Variants in ATP10B observed in about 807,000 individuals in gnomAD.
ATP10B encodes ATPase phospholipid transporting 10B (putative).
In ATP10B, 122 loss-of-function variants were observed where a neutral mutation model predicts 141.2. That is an observed-to-expected ratio of 0.86 (90% CI 0.75 to 1.00). The LOEUF (loss-of-function observed/expected upper bound fraction) is 1.00. Ranked by LOEUF, ATP10B falls within the 50% of genes least tolerant of loss-of-function variation. ATP10B has a pLI of 0.00. For synonymous variants in ATP10B, 685 were observed against 692.0 expected (o/e 0.99, Z 0.16); for missense variants, 1,876 against 1,825.3 (o/e 1.03, Z -0.51).
chr5:160,602,549 G>T, intron 21 of ATP10B, 28 bp downstream of exon 21: 1 of 1,612,864 alleles, frequency 6.2e-7, no homozygotes, highest in African/African-American at 1.3e-5. Context: ...CCAAAGCCCT[G>T]GGTGAGAGGA....
chr5:160,640,105 G>C (rs1285232893), intron 10 of ATP10B, among the ~76,000 whole-genome samples: 1 of 152,236 alleles, frequency 6.6e-6, no homozygotes, highest in Non-Finnish European at 1.5e-5. Flanking sequence ...CTGATCTCCA[G>C]AGCTGTAACA....
chr5:160,794,718 T>G (rs911653157), intron 1 of ATP10B, among the ~76,000 whole-genome samples: 1 of 152,232 alleles, frequency 6.6e-6, no homozygotes, highest in African/African-American at 2.4e-5. Context: ...TTGTTTGGAA[T>G]GAAATGCCTT....
intron 24 of ATP10B, among the ~76,000 whole-genome samples, chr5:160,571,661 G>T (rs1463340495): frequency 6.6e-6 from 1 of 152,156 alleles, no homozygotes; most frequent in Admixed American, 6.6e-5. Flanking sequence ...CTCTAGAAAA[G>T]AATTGTGTAC....
chr5:160,789,253 CA>C (rs1359021053), intron 1 of ATP10B, among the ~76,000 whole-genome samples: 1 of 152,102 alleles, frequency 6.6e-6, no homozygotes, highest in East Asian at 1.9e-4. Flanking sequence ...TAAGTGCTAA[CA>C]AATTTGAGTA....
chr5:160,640,242 T>C (rs1042095952), intron 10 of ATP10B, among the ~76,000 whole-genome samples: 1 of 152,246 alleles, frequency 6.6e-6, no homozygotes, highest in African/African-American at 2.4e-5. Flanking sequence ...AGTAAATATT[T>C]CTTGACCAAA....
intron 7 of ATP10B, among the ~76,000 whole-genome samples, chr5:160,651,313 T>C (rs557980160): frequency 3.3e-5 from 5 of 152,300 alleles, no homozygotes; most frequent in African/African-American, 1.2e-4. Flanking sequence ...GCTAAGTATT[T>C]TTTTTAAAGG....
chr5:160,863,500 C>CA, the ATP10B span, among the ~76,000 whole-genome samples: 1 of 151,732 alleles, frequency 6.6e-6, no homozygotes, highest in Non-Finnish European at 1.5e-5. Flanking sequence ...ATGCCCACAC[C>CA]AAAAAGTGTG....
intron 1 of ATP10B, among the ~76,000 whole-genome samples, chr5:160,834,064 C>T (rs1347503242): frequency 6.6e-6 from 1 of 152,036 alleles, no homozygotes; most frequent in Admixed American, 6.6e-5. Flanking sequence ...GTGGCTCATG[C>T]CTATAATTCC....
At chr5:160,619,206 A>T (rs1421966) in intron 15 of ATP10B, among the ~76,000 whole-genome samples, 126,856 of 152,174 alleles carry the variant, frequency 0.83, 53,197 homozygotes, top group African/African-American at 0.92. Flanking sequence ...CCTTCTTGCT[A>T]AGGCTGCCAG....
intron 1 of ATP10B, among the ~76,000 whole-genome samples, chr5:160,847,525 C>A (rs1776203163): frequency 6.6e-6 from 1 of 152,140 alleles, no homozygotes; most frequent in Admixed American, 6.6e-5. Flanking sequence ...CCATGTGGCA[C>A]CTGCTAACAA....
the ATP10B span, among the ~76,000 whole-genome samples, chr5:160,883,107 G>A: frequency 6.6e-6 from 1 of 152,092 alleles, no homozygotes; most frequent in Non-Finnish European, 1.5e-5. Context: ...TGATAAAGTA[G>A]GTAAATAGTT....
intron 2 of ATP10B, among the ~76,000 whole-genome samples, chr5:160,754,281 C>T (rs909744828): frequency 3.3e-5 from 5 of 152,088 alleles, no homozygotes; most frequent in Non-Finnish European, 1.5e-5. Context: ...ACTCTCAAAC[C>T]CATGCTTAAC....
At chr5:160,726,681 G>C (rs1435907250) in intron 2 of ATP10B, among the ~76,000 whole-genome samples, 1 of 146,504 alleles carries the variant, frequency 6.8e-6, no homozygotes, top group Non-Finnish European at 1.5e-5. Flanking sequence ...GAGTAGGGGG[G>C]GAGGAGGAGG....
At chr5:160,746,077 C>T (rs1443596392) in intron 2 of ATP10B, among the ~76,000 whole-genome samples, 1 of 152,180 alleles carries the variant, frequency 6.6e-6, no homozygotes, top group African/African-American at 2.4e-5. Context: ...TAGGACAGTA[C>T]CTCACATGTA....
At chr5:160,603,732 G>C (rs1218789078) in intron 20 of ATP10B, 1 of 512,672 alleles carries the variant, frequency 2.0e-6, no homozygotes, top group East Asian at 3.0e-5. Flanking sequence ...GTTTAAATGG[G>C]AAAATTTAGC....
chr5:160,687,593 A>G (rs763345475), intron 5 of ATP10B, among the ~76,000 whole-genome samples: 2 of 152,120 alleles, frequency 1.3e-5, no homozygotes, highest in African/African-American at 2.4e-5. Flanking sequence ...GCAAAACCCC[A>G]TATCTACATA....
At chr5:160,842,887 A>G (rs952065657) in intron 1 of ATP10B, among the ~76,000 whole-genome samples, 1 of 152,132 alleles carries the variant, frequency 6.6e-6, no homozygotes, top group African/African-American at 2.4e-5. Flanking sequence ...AGTACCATCA[A>G]TCTTATACAA....
chr5:160,615,986 C>T (rs1372507012), intron 16 of ATP10B, 22 bp from the exon 17 acceptor site: 3 of 1,605,254 alleles, frequency 1.9e-6, no homozygotes, highest in Non-Finnish European at 2.6e-6. Context: ...GAAAAGGCTC[C>T]TTAACAATCT....
At chr5:160,901,222 C>A in the ATP10B span, among the ~76,000 whole-genome samples, 1 of 152,154 alleles carries the variant, frequency 6.6e-6, no homozygotes, top group Non-Finnish European at 1.5e-5. Flanking sequence ...ACCTCCACTA[C>A]CTCTTTTCTT....
Sources: gnomAD v4.1 joint callset for allele counts (sites outside exome capture counted in the v4.1 genomes callset) on GRCh38, gnomAD v4.1.1 for gene constraint, MANE v1.5 for transcripts, NCBI Gene and HGNC (gene_info 2026-07-23, HGNC 2026-07-21) for gene names.